The following ZBTB20 variants were observed in gnomAD, a reference collection of about 807,000 sequenced individuals.
ZBTB20 encodes zinc finger and BTB domain-containing protein 20.
ZBTB20 carries 9 observed loss-of-function variants against 56.9 expected under a neutral mutation model. That is an observed-to-expected ratio of 0.16 (90% CI 0.10 to 0.28). ZBTB20 has a LOEUF of 0.28. Ranked by LOEUF, ZBTB20 falls within the 10% of genes least tolerant of loss-of-function variation. The pLI, the probability that ZBTB20 is intolerant of heterozygous loss-of-function variation, is 1.00. For missense variants in ZBTB20, 655 were observed against 1,003.0 expected (o/e 0.65, Z 4.69); for synonymous variants, 417 against 420.7 (o/e 0.99, Z 0.11).
chr3:114,893,412 G>A (rs1256823565), intron 4 of ZBTB20, among the ~76,000 whole-genome samples: 3 of 152,206 alleles, frequency 2.0e-5, no homozygotes, highest in Non-Finnish European at 4.4e-5. Context: ...GGTTACTTAA[G>A]AGAATTATTA....
intron 6 of ZBTB20, among the ~76,000 whole-genome samples, chr3:114,551,749 G>A (rs1358518023): frequency 6.6e-6 from 1 of 152,156 alleles, no homozygotes; most frequent in African/African-American, 2.4e-5. Context: ...TATTTTCCTT[G>A]CCTATAAGAA....
chr3:114,761,368 G>C (rs942760262), intron 5 of ZBTB20, among the ~76,000 whole-genome samples: 4 of 151,946 alleles, frequency 2.6e-5, no homozygotes, highest in African/African-American at 9.7e-5. Flanking sequence ...TTATATGTTA[G>C]GTACTATTAC....
At chr3:114,888,574 AT>A in intron 4 of ZBTB20, among the ~76,000 whole-genome samples, 1 of 152,298 alleles carries the variant, frequency 6.6e-6, no homozygotes, top group Non-Finnish European at 1.5e-5. Context: ...CAGAGAGTAA[AT>A]ATACCTATTT....
intron 7 of ZBTB20, among the ~76,000 whole-genome samples, chr3:114,430,984 T>C (rs761715619): frequency 6.6e-6 from 1 of 152,188 alleles, no homozygotes; most frequent in Non-Finnish European, 1.5e-5. Flanking sequence ...AAAGGTTGTT[T>C]AAATGAAAAC....
intron 1 of ZBTB20, among the ~76,000 whole-genome samples, chr3:115,090,980 T>C (rs1411607920): frequency 6.6e-6 from 1 of 151,926 alleles, no homozygotes; most frequent in Non-Finnish European, 1.5e-5. Context: ...CATGAGAGTC[T>C]CTGAACTGCA....
chr3:114,918,192 G>T (rs1175285932), intron 3 of ZBTB20, among the ~76,000 whole-genome samples: 2 of 152,056 alleles, frequency 1.3e-5, no homozygotes, highest in African/African-American at 4.8e-5. Context: ...GTTCATTCAA[G>T]ACCCAAAGGT....
At chr3:114,772,970 G>C (rs553277554) in intron 5 of ZBTB20, among the ~76,000 whole-genome samples, 1 of 152,194 alleles carries the variant, frequency 6.6e-6, no homozygotes, top group Non-Finnish European at 1.5e-5. Context: ...TGGAAAAGAG[G>C]TGTGGTAGAA....
At chr3:114,573,394 A>G (rs891706916) in intron 6 of ZBTB20, among the ~76,000 whole-genome samples, 1 of 150,966 alleles carries the variant, frequency 6.6e-6, no homozygotes. Flanking sequence ...TGGGAGGTGT[A>G]GGTTGCAGTG....
At chr3:114,358,988 G>T (rs889186139) in intron 10 of ZBTB20, among the ~76,000 whole-genome samples, 1 of 151,990 alleles carries the variant, frequency 6.6e-6, no homozygotes, top group Admixed American at 6.6e-5. Context: ...CCCCCTTTTA[G>T]CAACTATGTA....
At chr3:114,734,744 A>C (rs548340559) in intron 5 of ZBTB20, among the ~76,000 whole-genome samples, 3 of 152,298 alleles carry the variant, frequency 2.0e-5, no homozygotes, top group African/African-American at 7.2e-5. Flanking sequence ...GATTAATAAA[A>C]GTAAGATAAT....
At chr3:114,438,417 AAAAAAAAACAAAAAAAACC>A (rs1318554918) in intron 7 of ZBTB20, among the ~76,000 whole-genome samples, 2 of 11,394 alleles carry the variant, frequency 1.8e-4, no homozygotes, top group Non-Finnish European at 0.021. Flanking sequence ...ACTCCTTGCC[AAAAAAAAACAAAAAAAACC>A]AAAAAAAAAC....
At chr3:114,342,705 T>G (rs1453047839) in intron 11 of ZBTB20, among the ~76,000 whole-genome samples, 1 of 152,212 alleles carries the variant, frequency 6.6e-6, no homozygotes, top group Non-Finnish European at 1.5e-5. Context: ...ACTGTTCCAT[T>G]CATCACAAAG....
intron 5 of ZBTB20, among the ~76,000 whole-genome samples, chr3:114,742,764 A>C (rs2066710096): frequency 6.6e-6 from 1 of 152,152 alleles, no homozygotes; most frequent in African/African-American, 2.4e-5. Flanking sequence ...CAAGCTTTTA[A>C]AACCTACTGA....
chr3:115,126,652 T>C (rs2084341906), intron 1 of ZBTB20, among the ~76,000 whole-genome samples: 1 of 152,210 alleles, frequency 6.6e-6, no homozygotes, highest in Non-Finnish European at 1.5e-5. Context: ...AGCTAATAAG[T>C]TAATAATTGG....
chr3:115,132,120 T>G (rs2084524606), intron 1 of ZBTB20, among the ~76,000 whole-genome samples: 1 of 152,214 alleles, frequency 6.6e-6, no homozygotes, highest in Non-Finnish European at 1.5e-5. Flanking sequence ...ATTATATAAT[T>G]TATTAACTTT....
intron 2 of ZBTB20, among the ~76,000 whole-genome samples, chr3:115,025,244 CCCTA>C (rs2080373134): frequency 6.6e-6 from 1 of 151,318 alleles, no homozygotes; most frequent in Non-Finnish European, 1.5e-5. Context: ...CGGCTTACAG[CCCTA>C]TCCATCCATG....
intron 7 of ZBTB20, among the ~76,000 whole-genome samples, chr3:114,403,210 C>T (rs111364617): frequency 0.03 from 4,554 of 152,172 alleles, 116 homozygotes; most frequent in Middle Eastern, 0.048. Context: ...TATTGAATGT[C>T]TATTGTCAGT....
chr3:114,773,884 T>C (rs1047155914), intron 5 of ZBTB20, among the ~76,000 whole-genome samples: 1 of 152,218 alleles, frequency 6.6e-6, no homozygotes, highest in Admixed American at 6.5e-5. Context: ...TTTATTTTTA[T>C]ATGTCATCAC....
At chr3:115,132,403 T>A (rs1004503759) in intron 1 of ZBTB20, among the ~76,000 whole-genome samples, 7 of 152,322 alleles carry the variant, frequency 4.6e-5, no homozygotes, top group Admixed American at 1.3e-4. Flanking sequence ...TTTTTCTTAC[T>A]CATTTTTCTA....
Sources: allele counts gnomAD v4.1 joint callset (sites outside exome capture counted in the v4.1 genomes callset), GRCh38; gene constraint gnomAD v4.1.1; transcripts MANE v1.5; gene names NCBI Gene and HGNC (gene_info 2026-07-23, HGNC 2026-07-21).